Variants in CD96 observed in about 807,000 individuals in gnomAD.
The protein encoded by CD96 is CD96 molecule.
Under a neutral mutation model 71.3 loss-of-function variants are expected in CD96, and 70 were observed. The observed-to-expected ratio is 0.98, with a 90% CI of 0.81 to 1.20. The LOEUF (loss-of-function observed/expected upper bound fraction) is 1.20. Ranked by LOEUF, CD96 falls within the 50% of genes most tolerant of loss-of-function variation. The pLI is 0.00. For synonymous variants in CD96, 248 were observed against 233.0 expected (o/e 1.06, Z -0.59); for missense variants, 742 against 677.5 (o/e 1.10, Z -1.06).
chr3:111,646,152 T>A (rs761998655), intron 12 of CD96, among the ~76,000 whole-genome samples: 4 of 152,108 alleles, frequency 2.6e-5, no homozygotes, highest in Non-Finnish European at 4.4e-5. Flanking sequence ...CCTAAAGACC[T>A]ATCTATCATG....
intron 2 of CD96, among the ~76,000 whole-genome samples, chr3:111,555,317 T>C (rs1934937325): frequency 1.3e-5 from 2 of 152,296 alleles, no homozygotes; most frequent in Admixed American, 6.5e-5. Context: ...TTTACCATTT[T>C]TTGTGCTCTT....
chr3:111,644,267 A>G (rs116233549), intron 12 of CD96, among the ~76,000 whole-genome samples: 4,819 of 152,254 alleles, frequency 0.032, 273 homozygotes, highest in African/African-American at 0.11. Flanking sequence ...GTCTAGCCAC[A>G]TGTAGGAGAA....
At chr3:111,596,604 G>A (rs925194814) in intron 5 of CD96, among the ~76,000 whole-genome samples, 6 of 152,136 alleles carry the variant, frequency 3.9e-5, no homozygotes, top group Admixed American at 6.5e-5. Context: ...AATGTCACTG[G>A]ATTAATGCAA....
intron 8 of CD96, among the ~76,000 whole-genome samples, chr3:111,610,448 T>A (rs1304648417): frequency 1.3e-5 from 2 of 152,230 alleles, no homozygotes; most frequent in Admixed American, 6.5e-5. Context: ...AGCTTTATAA[T>A]CCAGTCATCA....
At chr3:111,613,876 C>T (rs1271113575) in intron 8 of CD96, among the ~76,000 whole-genome samples, 1 of 152,226 alleles carries the variant, frequency 6.6e-6, no homozygotes, top group Non-Finnish European at 1.5e-5. Flanking sequence ...TTGAAACTTA[C>T]AAATAACTTT....
chr3:111,610,904 C>T (rs1937888475), intron 8 of CD96, among the ~76,000 whole-genome samples: 1 of 152,180 alleles, frequency 6.6e-6, no homozygotes, highest in Non-Finnish European at 1.5e-5. Flanking sequence ...TCATCCAAGA[C>T]ACTTATTCAT....
intron 8 of CD96, 113 bp from the exon 9 acceptor site, chr3:111,623,641 C>A: frequency 2.8e-6 from 2 of 723,894 alleles, no homozygotes. Flanking sequence ...TGAGGCTGTT[C>A]ACTAAGATTC....
intron 2 of CD96, among the ~76,000 whole-genome samples, chr3:111,558,122 T>C (rs1392826066): frequency 2.1e-5 from 3 of 139,614 alleles, no homozygotes; most frequent in Non-Finnish European, 4.7e-5. Context: ...ACAATGGGGT[T>C]TTCTAGATAT....
chr3:111,585,611 CA>C (rs1936676415), intron 5 of CD96, among the ~76,000 whole-genome samples: 1 of 149,210 alleles, frequency 6.7e-6, no homozygotes, highest in African/African-American at 2.5e-5. Context: ...TTAAATTTCT[CA>C]GAAAAAAAAA....
At position 111,600,761 on chromosome 3, in the gene CD96, G is replaced by A. The variant is rs1937457313; in HGVS notation, c.934G>A (p.Asp312Asn). ...YITNEERKGK[D>N]GFLELKSVLT... Reference sequence around the variant, plus strand: ...TACTAATGAAGAGAGAAAAGGCAAAGATGGATTTTTGGAACTGAAGTCTGT... The same window carrying A: ...TACTAATGAAGAGAGAAAAGGCAAAAATGGATTTTTGGAACTGAAGTCTGT... Residue 312 changes from aspartate (D) to asparagine (N), a missense_variant, in exon 7 of 14, where the codon GAT (aspartate) becomes AAT (asparagine). Asp to Asn is a conservative substitution (Grantham distance 23, BLOSUM62 1). Coordinates refer to ENST00000352690, the MANE Select transcript of CD96 (RefSeq NM_005816.5). The A allele has an allele frequency of 2.5e-6, 4 of 1,613,690 alleles. No homozygotes were observed. The highest frequency in any genetic ancestry group is 1.1e-5 in the South Asian group (1 of 91,076).
chr3:111,626,652 C>T (rs1385559036), intron 10 of CD96, among the ~76,000 whole-genome samples: 1 of 152,096 alleles, frequency 6.6e-6, no homozygotes, highest in Non-Finnish European at 1.5e-5. Flanking sequence ...AAACACTGTT[C>T]ATATAGCAAA....
intron 13 of CD96, among the ~76,000 whole-genome samples, chr3:111,648,723 G>A (rs182554876): frequency 6.6e-6 from 1 of 151,732 alleles, no homozygotes; most frequent in Non-Finnish European, 1.5e-5. Context: ...ATGGAGATGA[G>A]AATCAATCTC....
intron 2 of CD96, 109 bp from the exon 3 acceptor site, chr3:111,567,414 C>T: frequency 1.2e-6 from 1 of 851,544 alleles, no homozygotes; most frequent in Non-Finnish European, 1.9e-6. Flanking sequence ...TAGGTGTACC[C>T]TGAGGACAGA....
At chr3:111,616,980 G>C (rs914308129) in intron 8 of CD96, among the ~76,000 whole-genome samples, 1 of 152,190 alleles carries the variant, frequency 6.6e-6, no homozygotes, top group South Asian at 2.1e-4. Flanking sequence ...CCCAGCACCT[G>C]CTCCAATTTC....
chr3:111,628,661 A>G (rs911479208), intron 10 of CD96, among the ~76,000 whole-genome samples: 1 of 152,192 alleles, frequency 6.6e-6, no homozygotes, highest in African/African-American at 2.4e-5. Flanking sequence ...AAATACAGAG[A>G]ACCCCAGTAA....
Position 111,572,988 on chromosome 3 carries a change from T to A in CD96, c.543+5341T>A, listed in dbSNP as rs998980899. On this transcript the variant is annotated intron_variant, in intron 3 of 13. Transcript: ENST00000352690. ...TGCAAATGGACAGTGTATCTAACAT[T>A]CATCCAGCATGAGGGGTAACTAAGT... Among the ~76,000 whole-genome samples the A allele has an allele frequency of 3.3e-5, 5 of 152,278 alleles. No homozygotes were observed. In the East Asian group the frequency reaches 9.7e-4, roughly 29 times the overall value.
chr3:111,577,338 G>A (rs1296904504), intron 3 of CD96, among the ~76,000 whole-genome samples: 1 of 152,180 alleles, frequency 6.6e-6, no homozygotes, highest in African/African-American at 2.4e-5. Flanking sequence ...AAGATCTGCA[G>A]GGGGTACCTG....
At chr3:111,634,692 T>A (rs114117192) in intron 10 of CD96, 1 of 152,052 alleles carries the variant, frequency 6.6e-6, no homozygotes, top group East Asian at 1.9e-4. Flanking sequence ...AGGTCAGAAG[T>A]TTGAGACCAG....
Position 111,611,239 on chromosome 3 carries a change from C to T in CD96, c.1180+4447C>T, listed in dbSNP as rs561796330. On this transcript the variant is annotated intron_variant, in intron 8 of 13. Coordinates refer to ENST00000352690, the MANE Select transcript of CD96 (RefSeq NM_005816.5). Reference sequence around the variant, plus strand: ...GGTCCAGTCTGCCTCTAACCCTCAGCCAGCACCCCAGGTAGACATAACTGA... The same window carrying T: ...GGTCCAGTCTGCCTCTAACCCTCAGTCAGCACCCCAGGTAGACATAACTGA... 2.6e-5 allele frequency among the ~76,000 whole-genome samples: 4 copies of T among 152,242 alleles called. No homozygotes were observed. In the East Asian group the frequency reaches 7.7e-4, roughly 29 times the overall value.
Sources: allele counts gnomAD v4.1 joint callset (sites outside exome capture counted in the v4.1 genomes callset), GRCh38; gene constraint gnomAD v4.1.1; transcripts MANE v1.5; gene names NCBI Gene and HGNC (gene_info 2026-07-23, HGNC 2026-07-21).